The following MALT1 variants were observed in gnomAD, a reference collection of about 807,000 sequenced individuals.
MALT1 encodes MALT1 paracaspase, also known as mucosa-associated lymphoid tissue lymphoma translocation protein 1.
In MALT1, 36 loss-of-function variants were observed where a neutral mutation model predicts 85.5. That is an observed-to-expected ratio of 0.42 (90% CI 0.32 to 0.56). The LOEUF (loss-of-function observed/expected upper bound fraction) is 0.56. Among genes scored for constraint, MALT1 ranks in the 20% least tolerant of loss-of-function variants. The pLI, the probability that MALT1 is intolerant of heterozygous loss-of-function variation, is 0.10. For synonymous variants in MALT1, 359 were observed against 361.3 expected, an observed-to-expected ratio of 0.99 and a Z score of 0.07; for missense variants, 716 against 981.6, an observed-to-expected ratio of 0.73 and a Z score of 3.62.
intron 1 of MALT1, 72 bp from the exon 2 acceptor site, chr18:58,681,098 G>A (rs536940528): frequency 2.7e-5 from 38 of 1,396,174 alleles, no homozygotes; most frequent in African/African-American, 2.0e-4. Flanking sequence ...CAGCACCACC[G>A]TGGTCCAGAT....
At position 58,735,294 on chromosome 18, in the gene MALT1, A is replaced by AGAAAATCACTGTGTTACTG; in HGVS notation, c.1571_1589dup (p.Asp530GlufsTer8). 6.2e-7 allele frequency: 1 copy of AGAAAATCACTGTGTTACTG among 1,608,568 alleles called. No individual in the cohort carries two copies. Among genetic ancestry groups the AGAAAATCACTGTGTTACTG allele is most frequent in the Non-Finnish European group, 8.5e-7 (1 of 1,178,336 alleles). The stretch of plus-strand genomic sequence containing the variant: ...TTAAAAGACAGATTATTAGAAGATA[A>AGAAAATCACTGTGTTACTG]GAAAATCACTGTGTTACTGGATGAA... On this transcript the variant is annotated frameshift_variant, in exon 13 of 17. Coordinates refer to ENST00000649217, the MANE Select transcript of MALT1 (RefSeq NM_006785.4). LOFTEE classifies it high-confidence loss of function.
intron 4 of MALT1, 66 bp downstream of exon 4, chr18:58,700,657 T>A: frequency 7.3e-7 from 1 of 1,372,032 alleles, no homozygotes; most frequent in Non-Finnish European, 9.6e-7. Flanking sequence ...TTTTAAATGT[T>A]TACTTTTAAA....
intron 2 of MALT1, among the ~76,000 whole-genome samples, chr18:58,688,169 G>C (rs955244202): frequency 6.6e-6 from 1 of 152,082 alleles, no homozygotes; most frequent in Non-Finnish European, 1.5e-5. Flanking sequence ...GTGGGAGGAA[G>C]GAAATTTGTG....
At chr18:58,681,034 C>T (rs1185281255) in intron 1 of MALT1, 136 bp from the exon 2 acceptor site, 3 of 577,760 alleles carry the variant, frequency 5.2e-6, no homozygotes, top group Non-Finnish European at 9.0e-6. Context: ...TACTCGCATT[C>T]ATTATGTGAA....
chr18:58,695,301 C>T (rs1005799840), intron 2 of MALT1, among the ~76,000 whole-genome samples: 1 of 152,222 alleles, frequency 6.6e-6, no homozygotes, highest in Non-Finnish European at 1.5e-5. Context: ...GAATGGCCTC[C>T]TGCCACAGTC....
chr18:58,701,897 C>T (rs913923113), intron 4 of MALT1, among the ~76,000 whole-genome samples: 2 of 152,196 alleles, frequency 1.3e-5, no homozygotes, highest in Non-Finnish European at 2.9e-5. Flanking sequence ...ACCAATAGCA[C>T]TCAGTAGATG....
chr18:58,671,731 C>T lies in MALT1; in HGVS notation c.88C>T (p.Leu30Phe). ...PLLAPPAGAT[L>F]NRLREPLLRR... is the part of the protein sequence containing the mutation. ...GCTCGCCCCTCCGGCCGGCGCGACC[C>T]TCAACCGCCTGCGGGAGCCGCTGCT... Residue 30 changes from leucine (L) to phenylalanine (F), a missense_variant, in exon 1 of 17, where the codon CTC becomes TTC. Coordinates refer to ENST00000649217, the MANE Select transcript of MALT1 (RefSeq NM_006785.4). The T allele has an allele frequency of 4.7e-6, 6 of 1,279,296 alleles. No individual in the cohort carries two copies. Among genetic ancestry groups the T allele is most frequent in the Non-Finnish European group, 5.9e-6 (6 of 1,013,242 alleles). 79.2% of individuals were successfully genotyped at this position (1,279,296 alleles called of 1,614,324 possible).
chr18:58,740,539 ATTATC>A (rs944187589), intron 13 of MALT1, among the ~76,000 whole-genome samples: 1 of 151,140 alleles, frequency 6.6e-6, no homozygotes, highest in African/African-American at 2.4e-5. Context: ...GTTATATAAT[ATTATC>A]TTTAATTTTC....
At position 58,752,020 on chromosome 18, in the gene MALT1, T is replaced by C. The variant is rs537005338; in HGVS notation, c.*4178T>C. ...TCTTCCCCCATCTCTAATGCCTCTT[T>C]TCAAATCTCTGACTTGCACATGAAG... On this transcript the variant is annotated 3_prime_UTR_variant, in exon 17 of 17. Coordinates refer to ENST00000649217, the MANE Select transcript of MALT1 (RefSeq NM_006785.4). 1.3e-5 allele frequency: 2 copies of C among 152,224 alleles called. No individual in the cohort carries two copies. Among genetic ancestry groups the C allele is most frequent in the Non-Finnish European group, 2.9e-5 (2 of 68,030 alleles). The allele number at this position is 152,224 out of a possible 1,614,324, so 9.4% of individuals were successfully genotyped here. A position where few individuals can be genotyped will look rare whatever the true frequency, so the allele number is the denominator to read the frequency against.
intron 3 of MALT1, among the ~76,000 whole-genome samples, chr18:58,698,158 C>T (rs1457875188): frequency 6.6e-6 from 1 of 151,512 alleles, no homozygotes; most frequent in Non-Finnish European, 1.5e-5. Context: ...CCTCCACCTC[C>T]CCGGTTCAAA....
intron 10 of MALT1, among the ~76,000 whole-genome samples, chr18:58,724,119 A>C (rs1188957843): frequency 6.6e-6 from 1 of 152,166 alleles, no homozygotes; most frequent in Non-Finnish European, 1.5e-5. Flanking sequence ...CAGTTATTTT[A>C]TTTTAATAAT....
chr18:58,712,334 T>C (rs2054842064), intron 7 of MALT1, among the ~76,000 whole-genome samples: 1 of 152,182 alleles, frequency 6.6e-6, no homozygotes, highest in Admixed American at 6.5e-5. Flanking sequence ...TTTCATTTTG[T>C]GTATTTTATT....
At chr18:58,737,464 G>C (rs1029999706) in intron 13 of MALT1, among the ~76,000 whole-genome samples, 5 of 145,866 alleles carry the variant, frequency 3.4e-5, no homozygotes, top group Non-Finnish European at 7.4e-5. Flanking sequence ...ATGTGTGACA[G>C]AGCAAGCCCC....
chr18:58,687,893 A>G (rs2054429016), intron 2 of MALT1, among the ~76,000 whole-genome samples: 1 of 152,222 alleles, frequency 6.6e-6, no homozygotes, highest in South Asian at 2.1e-4. Context: ...CCTTGGTTCC[A>G]TCGTACCTAG....
intron 9 of MALT1, among the ~76,000 whole-genome samples, chr18:58,718,035 G>A (rs929562360): frequency 1.9e-4 from 29 of 152,278 alleles, no homozygotes; most frequent in African/African-American, 6.5e-4. Context: ...AATAAACTAA[G>A]TGTTTTCACC....
chr18:58,691,872 C>CA (rs34428404), intron 2 of MALT1, among the ~76,000 whole-genome samples: 58,425 of 134,384 alleles, frequency 0.43, 13,180 homozygotes, highest in African/African-American at 0.6. Context: ...GACTCCGTCT[C>CA]AAAAAAAAAA....
chr18:58,746,952 T>TC (rs1280468745), intron 16 of MALT1, among the ~76,000 whole-genome samples: 2 of 152,174 alleles, frequency 1.3e-5, no homozygotes, highest in African/African-American at 2.4e-5. Context: ...GGTCTTGAAC[T>TC]CCTAACTTCA....
chr18:58,684,523 C>T (rs1433778483), intron 2 of MALT1, among the ~76,000 whole-genome samples: 5 of 144,988 alleles, frequency 3.4e-5, no homozygotes, highest in Non-Finnish European at 6.0e-5. Flanking sequence ...TTTGGCTCAC[C>T]GCAACCTCTG....
At chr18:58,727,132 C>T (rs1472775817) in intron 10 of MALT1, among the ~76,000 whole-genome samples, 1 of 152,166 alleles carries the variant, frequency 6.6e-6, no homozygotes, top group Non-Finnish European at 1.5e-5. Context: ...TTGTCGTTTC[C>T]TGTCAATTTA....
Sources: allele counts gnomAD v4.1 joint callset (sites outside exome capture counted in the v4.1 genomes callset), GRCh38; gene constraint gnomAD v4.1.1; transcripts MANE v1.5; gene names NCBI Gene and HGNC (gene_info 2026-07-23, HGNC 2026-07-21).